Variants in GMDS observed in about 807,000 individuals in gnomAD.
GMDS encodes GDP-mannose 4,6 dehydratase.
Under a neutral mutation model 49.9 loss-of-function variants are expected in GMDS, and 20 were observed. The ratio of observed to expected loss-of-function variants is 0.40; its 90% CI spans 0.28 to 0.58. GMDS has a LOEUF of 0.58. Ranked by LOEUF, GMDS falls within the 20% of genes least tolerant of loss-of-function variation. The probability of loss-of-function intolerance (pLI) is 0.42; values close to 1 mark genes in which losing one functional copy is unlikely to be tolerated. For synonymous variants in GMDS, 177 were observed against 178.6 expected (o/e 0.99, Z 0.07); for missense variants, 362 against 481.4 (o/e 0.75, Z 2.32).
At chr6:2,173,658 T>C (rs1471434424) in intron 1 of GMDS, among the ~76,000 whole-genome samples, 3 of 152,216 alleles carry the variant, frequency 2.0e-5, no homozygotes. Context: ...AATAATTCCC[T>C]GATTGCTTAT....
At chr6:1,763,079 C>T (rs953562712) in intron 7 of GMDS, among the ~76,000 whole-genome samples, 3 of 152,178 alleles carry the variant, frequency 2.0e-5, no homozygotes, top group African/African-American at 4.8e-5. Flanking sequence ...GCTCAATCTT[C>T]GGTTCCCATT....
intron 1 of GMDS, among the ~76,000 whole-genome samples, chr6:2,204,831 C>T (rs1779719632): frequency 6.6e-6 from 1 of 152,158 alleles, no homozygotes; most frequent in African/African-American, 2.4e-5. Flanking sequence ...AACTATTTAG[C>T]TCCACAACTT....
At chr6:1,737,965 T>TAC (rs746445507) in intron 8 of GMDS, among the ~76,000 whole-genome samples, 1 of 109,932 alleles carries the variant, frequency 9.1e-6, no homozygotes. Flanking sequence ...CACACATACA[T>TAC]ACACACACAT....
At chr6:2,127,667 C>T (rs564086380) in intron 1 of GMDS, among the ~76,000 whole-genome samples, 3 of 152,356 alleles carry the variant, frequency 2.0e-5, no homozygotes, top group East Asian at 3.9e-4. Flanking sequence ...GAGTGGGAAA[C>T]GAGCCGAGCG....
At chr6:2,242,229 G>C (rs1194193576) in intron 1 of GMDS, among the ~76,000 whole-genome samples, 1 of 152,172 alleles carries the variant, frequency 6.6e-6, no homozygotes, top group Admixed American at 6.5e-5. Context: ...GAGGTACAAG[G>C]CAACAGTATT....
chr6:2,087,553 C>T (rs1773081974), intron 4 of GMDS, among the ~76,000 whole-genome samples: 1 of 152,200 alleles, frequency 6.6e-6, no homozygotes, highest in African/African-American at 2.4e-5. Context: ...CTCAGGCCCA[C>T]AATTTCATCT....
At chr6:2,153,525 T>C (rs375950206) in intron 1 of GMDS, among the ~76,000 whole-genome samples, 2 of 152,164 alleles carry the variant, frequency 1.3e-5, no homozygotes, top group Admixed American at 6.5e-5. Flanking sequence ...AAAATGGCAG[T>C]TGATGAACAG....
At chr6:2,112,059 G>A (rs747504387) in intron 4 of GMDS, among the ~76,000 whole-genome samples, 4 of 152,140 alleles carry the variant, frequency 2.6e-5, no homozygotes, top group Non-Finnish European at 5.9e-5. Context: ...TGGCCATGAC[G>A]AAGCCTGTCC....
At chr6:1,839,297 A>C (rs879621419) in intron 7 of GMDS, among the ~76,000 whole-genome samples, 13 of 152,292 alleles carry the variant, frequency 8.5e-5, no homozygotes, top group Admixed American at 7.8e-4. Flanking sequence ...ATAAGACTTA[A>C]CTTTCTTTAG....
At chr6:2,024,872 CAATT>C (rs1344794548) in intron 4 of GMDS, among the ~76,000 whole-genome samples, 3 of 148,282 alleles carry the variant, frequency 2.0e-5, no homozygotes, top group Admixed American at 2.0e-4. Context: ...GCAAAAAGGA[CAATT>C]AATTGAAAAT....
chr6:2,018,898 C>G (rs760097352), intron 4 of GMDS, among the ~76,000 whole-genome samples: 1 of 152,044 alleles, frequency 6.6e-6, no homozygotes, highest in African/African-American at 2.4e-5. Context: ...TTTAACCTTT[C>G]AAGGAACTGC....
At chr6:1,646,321 C>T (rs1027313805) in intron 9 of GMDS, among the ~76,000 whole-genome samples, 4 of 152,164 alleles carry the variant, frequency 2.6e-5, no homozygotes, top group Admixed American at 6.5e-5. Context: ...CTCTGGGGTC[C>T]GTGCTCATTC....
intron 4 of GMDS, among the ~76,000 whole-genome samples, chr6:2,079,045 T>TTTTTTTTTTTTTTTTTTTA (rs1772515483): frequency 1.5e-5 from 2 of 133,850 alleles, no homozygotes; most frequent in Non-Finnish European, 3.1e-5. Flanking sequence ...TTTTTTTTTT[T>TTTTTTTTTTTTTTTTTTTA]ACTGTGTTTG....
intron 4 of GMDS, among the ~76,000 whole-genome samples, chr6:2,113,975 A>T (rs1259607280): frequency 6.6e-6 from 1 of 152,202 alleles, no homozygotes; most frequent in African/African-American, 2.4e-5. Flanking sequence ...AACCAACTCA[A>T]TAGCCTATGA....
intron 2 of GMDS, among the ~76,000 whole-genome samples, chr6:2,122,410 C>A (rs533547150): frequency 6.6e-6 from 1 of 152,230 alleles, no homozygotes; most frequent in Admixed American, 6.5e-5. Flanking sequence ...TGTTGACCAC[C>A]ACCACTGCCC....
chr6:1,702,725 C>T (rs28542092), intron 9 of GMDS, among the ~76,000 whole-genome samples: 2 of 152,134 alleles, frequency 1.3e-5, no homozygotes, highest in African/African-American at 4.8e-5. Context: ...AGGTTTCAGG[C>T]GGATGCATTT....
At chr6:2,020,699 T>C (rs561015315) in intron 4 of GMDS, among the ~76,000 whole-genome samples, 3 of 152,052 alleles carry the variant, frequency 2.0e-5, no homozygotes, top group Non-Finnish European at 2.9e-5. Context: ...TGGGGGAAAT[T>C]AATATTTAAT....
At chr6:1,827,076 ATATGTG>A (rs1264127588) in intron 7 of GMDS, among the ~76,000 whole-genome samples, 2,546 of 111,174 alleles carry the variant, frequency 0.023, 29 homozygotes, top group Admixed American at 0.032. Flanking sequence ...AAAAAAATAT[ATATGTG>A]TGTGTGTGTG....
chr6:2,000,899 C>A (rs986162801), intron 4 of GMDS, among the ~76,000 whole-genome samples: 1 of 152,192 alleles, frequency 6.6e-6, no homozygotes, highest in Non-Finnish European at 1.5e-5. Context: ...CATTAACCAG[C>A]CGATGGACAT....
Sources: gnomAD v4.1 joint callset for allele counts (sites outside exome capture counted in the v4.1 genomes callset) on GRCh38, gnomAD v4.1.1 for gene constraint, MANE v1.5 for transcripts, NCBI Gene and HGNC (gene_info 2026-07-23, HGNC 2026-07-21) for gene names.